The following CBX5 variants were observed in gnomAD, a reference collection of about 807,000 sequenced individuals.
CBX5 encodes the protein chromobox 5.
In CBX5, 7 loss-of-function variants were observed where a neutral mutation model predicts 20.7. That is an observed-to-expected ratio of 0.34 (90% confidence interval 0.19 to 0.63). CBX5 has a LOEUF of 0.63. CBX5 is among the 30% of genes least tolerant of loss of function. The pLI, the probability that CBX5 is intolerant of heterozygous loss-of-function variation, is 0.75. For synonymous variants in CBX5, 78 were observed against 77.0 expected (o/e 1.01, Z -0.07); for missense variants, 110 against 224.1 (o/e 0.49, Z 3.25).
At chr12:54,255,713 C>T (rs1399460638) in intron 2 of CBX5, 1 of 152,146 alleles carries the variant, frequency 6.6e-6, no homozygotes, top group Non-Finnish European at 1.5e-5. Context: ...AATGGGAGTT[C>T]TGACCTGCTC....
chr12:54,267,153 G>A (rs1054039733), intron 1 of CBX5, among the ~76,000 whole-genome samples: 14 of 152,220 alleles, frequency 9.2e-5, no homozygotes, highest in East Asian at 1.9e-4. Context: ...TGGAGACCTC[G>A]TCACCTTTCA....
chr12:54,265,919 C>T (rs1943951572), intron 1 of CBX5, among the ~76,000 whole-genome samples: 3 of 151,746 alleles, frequency 2.0e-5, no homozygotes, highest in Non-Finnish European at 4.4e-5. Context: ...AGGCGGTGCA[C>T]GTCTATAATC....
At chr12:54,251,422 GGGA>G (rs1943800462) in intron 3 of CBX5, among the ~76,000 whole-genome samples, 2 of 151,764 alleles carry the variant, frequency 1.3e-5, no homozygotes, top group African/African-American at 4.8e-5. Context: ...GGGAGGCTGA[GGGA>G]GGAGAATGGC....
intron 3 of CBX5, 31 bp from the exon 4 acceptor site, chr12:54,246,246 CT>C (rs758835006): frequency 4.6e-6 from 7 of 1,526,106 alleles, no homozygotes; most frequent in Admixed American, 1.7e-5. Flanking sequence ...AAGGTTACAG[CT>C]TGTGGAAAGA....
intron 3 of CBX5, among the ~76,000 whole-genome samples, chr12:54,250,074 T>A (rs1943777979): frequency 6.6e-6 from 1 of 151,802 alleles, no homozygotes; most frequent in Non-Finnish European, 1.5e-5. Context: ...AATACAAAAT[T>A]AGCTGGGCAT....
chr12:54,274,735 T>G (rs1944043928), intron 1 of CBX5, among the ~76,000 whole-genome samples: 1 of 152,020 alleles, frequency 6.6e-6, no homozygotes, highest in Non-Finnish European at 1.5e-5. Flanking sequence ...GTCAGTAGAT[T>G]GAGACCATCC....
intron 1 of CBX5, chr12:54,279,158 C>T (rs1473390581): frequency 6.6e-6 from 1 of 152,182 alleles, no homozygotes; most frequent in Non-Finnish European, 1.5e-5. Flanking sequence ...ACATATTTGT[C>T]AGTAGAAATA....
intron 3 of CBX5, among the ~76,000 whole-genome samples, chr12:54,249,617 C>T (rs1943773035): frequency 6.6e-6 from 1 of 151,914 alleles, no homozygotes. Context: ...ATGATACATC[C>T]TTCACCACAA....
intron 1 of CBX5, among the ~76,000 whole-genome samples, chr12:54,265,569 T>G (rs574715896): frequency 1.3e-5 from 2 of 152,196 alleles, no homozygotes; most frequent in Admixed American, 1.3e-4. Flanking sequence ...GCTTTTTAAA[T>G]GTCTGTTTAA....
At chr12:54,242,253 C>T (rs957579295) in intron 4 of CBX5, among the ~76,000 whole-genome samples, 3 of 152,050 alleles carry the variant, frequency 2.0e-5, no homozygotes, top group Non-Finnish European at 2.9e-5. Flanking sequence ...GGGCCGGGCA[C>T]GGTGGCTCAC....
chr12:54,266,830 C>G (rs1298663900), intron 1 of CBX5, among the ~76,000 whole-genome samples: 1 of 152,062 alleles, frequency 6.6e-6, no homozygotes, highest in African/African-American at 2.4e-5. Context: ...TTTCTTCTCT[C>G]AACTATCAGT....
At chr12:54,268,990 C>T (rs143670900) in intron 1 of CBX5, among the ~76,000 whole-genome samples, 3 of 152,186 alleles carry the variant, frequency 2.0e-5, no homozygotes, top group East Asian at 3.9e-4. Context: ...GGGCCAGGCA[C>T]GGTGGCTCAC....
At chr12:54,279,557 C>T (rs1944109021) in intron 1 of CBX5, among the ~76,000 whole-genome samples, 2 of 152,134 alleles carry the variant, frequency 1.3e-5, no homozygotes, top group Non-Finnish European at 2.9e-5. Context: ...CGACTGGTCC[C>T]AGCGCTTTCC....
intron 1 of CBX5, among the ~76,000 whole-genome samples, chr12:54,266,774 A>G (rs1943961021): frequency 6.6e-6 from 1 of 152,126 alleles, no homozygotes; most frequent in South Asian, 2.1e-4. Context: ...ATATCTCATC[A>G]TTTTATATTG....
chr12:54,256,926 C>T (rs1260390986), intron 2 of CBX5, among the ~76,000 whole-genome samples: 1 of 152,082 alleles, frequency 6.6e-6, no homozygotes, highest in East Asian at 1.9e-4. Context: ...TGCAGTGGCG[C>T]AATCTTGGCT....
intron 4 of CBX5, among the ~76,000 whole-genome samples, chr12:54,244,882 T>C (rs1329927859): frequency 6.6e-6 from 1 of 152,198 alleles, no homozygotes; most frequent in African/African-American, 2.4e-5. Flanking sequence ...TTCAGCAGGT[T>C]TGGCCCTCAG....
chr12:54,243,001 G>T (rs1943694263), intron 4 of CBX5, among the ~76,000 whole-genome samples: 1 of 152,064 alleles, frequency 6.6e-6, no homozygotes, highest in African/African-American at 2.4e-5. Context: ...GTGCATGCTT[G>T]TGGTCCCAGC....
intron 1 of CBX5, among the ~76,000 whole-genome samples, chr12:54,264,169 C>A (rs187567303): frequency 1.9e-3 from 291 of 152,294 alleles, no homozygotes; most frequent in African/African-American, 6.3e-3. Context: ...CCAGTCATTT[C>A]TTTTTTGAGA....
Position 54,257,594 on chromosome 12 carries a change from C to T in CBX5, c.57G>A (p.Glu19=), listed in dbSNP as rs1226659833. The change falls in exon 2 of 5, where the codon GAG becomes GAA. Residue 19 remains glutamate (E), a synonymous_variant. Coordinates refer to ENST00000209875, the MANE Select transcript of CBX5 (RefSeq NM_012117.3). ...ADSSSSEDEE[E]YVVEKVLDRR... is the part of the protein sequence containing the mutation. ...TGTCTAGCACCTTCTCCACAACATA[C>T]TCCTCCTCATCCTCTGAAGAAGAAC... The T allele has an allele frequency of 1.2e-6, 2 of 1,614,114 alleles. No individual in the cohort carries two copies. The highest frequency in any genetic ancestry group is 2.2e-5 in the East Asian group (1 of 44,900).
Sources: allele counts gnomAD v4.1 joint callset (sites outside exome capture counted in the v4.1 genomes callset), GRCh38; gene constraint gnomAD v4.1.1; transcripts MANE v1.5; gene names NCBI Gene and HGNC (gene_info 2026-07-23, HGNC 2026-07-21).